OTUD7A: variants seen among roughly 807,000 people sequenced by gnomAD.
OTUD7A encodes the protein OTU deubiquitinase 7A.
Under a neutral mutation model 65.7 loss-of-function variants are expected in OTUD7A, and 12 were observed. The ratio of observed to expected loss-of-function variants is 0.18; its 90% CI spans 0.12 to 0.30. The LOEUF (loss-of-function observed/expected upper bound fraction) is 0.30. Among genes scored for constraint, OTUD7A ranks in the 10% least tolerant of loss-of-function variants. OTUD7A has a pLI of 1.00. For missense variants in OTUD7A, 1,148 were observed against 1,304.8 expected, an observed-to-expected ratio of 0.88 and a Z score of 1.85; for synonymous variants, 641 against 586.3, an observed-to-expected ratio of 1.09 and a Z score of -1.35.
At chr15:31,539,079 G>T (rs1257636098) in intron 5 of OTUD7A, among the ~76,000 whole-genome samples, 1 of 152,158 alleles carries the variant, frequency 6.6e-6, no homozygotes, top group Admixed American at 6.5e-5. Context: ...TAGAGACTGA[G>T]GATTCTTCTT....
At chr15:31,781,707 C>A (rs1432703384) in intron 1 of OTUD7A, among the ~76,000 whole-genome samples, 1 of 152,190 alleles carries the variant, frequency 6.6e-6, no homozygotes, top group East Asian at 1.9e-4. Flanking sequence ...GCCATCTCTG[C>A]TCGAGCCACA....
At chr15:31,592,921 A>ATG (rs1889786966) in intron 3 of OTUD7A, among the ~76,000 whole-genome samples, 2 of 71,014 alleles carry the variant, frequency 2.8e-5, no homozygotes, top group Non-Finnish European at 5.0e-5. Context: ...ATATATATAT[A>ATG]TATATATATA....
intron 1 of OTUD7A, among the ~76,000 whole-genome samples, chr15:31,688,510 A>G (rs1595709482): frequency 1.3e-5 from 2 of 152,060 alleles, no homozygotes; most frequent in South Asian, 4.2e-4. Flanking sequence ...AGTGAGTGAT[A>G]CTTAATTGAA....
At chr15:31,602,581 A>T (rs144596157) in intron 3 of OTUD7A, among the ~76,000 whole-genome samples, 52 of 152,320 alleles carry the variant, frequency 3.4e-4, no homozygotes, top group African/African-American at 1.2e-3. Context: ...CCTATTCAAC[A>T]TAGTATTGGA....
chr15:31,529,796 C>A (rs1171967770), intron 6 of OTUD7A, among the ~76,000 whole-genome samples: 1 of 152,112 alleles, frequency 6.6e-6, no homozygotes, highest in Admixed American at 6.5e-5. Flanking sequence ...TCATGGCACC[C>A]AGTTAAAGCC....
chr15:31,839,124 G>A (rs922036758), intron 1 of OTUD7A, among the ~76,000 whole-genome samples: 5 of 151,454 alleles, frequency 3.3e-5, no homozygotes, highest in Non-Finnish European at 5.9e-5. Flanking sequence ...CCTGGCCTCA[G>A]GGCCAGGTTC....
chr15:31,602,223 G>A (rs12101467), intron 3 of OTUD7A, among the ~76,000 whole-genome samples: 3,148 of 152,162 alleles, frequency 0.021, 100 homozygotes, highest in African/African-American at 0.073. Context: ...CTGGCAAACC[G>A]AATCCAGCAG....
Position 31,806,613 on chromosome 15 carries a change from G to T in OTUD7A, c.-100+63894C>A, listed in dbSNP as rs115953051. Among the ~76,000 whole-genome samples the T allele has an allele frequency of 6.8e-3, 1,036 of 152,292 alleles. 15 individuals carry two copies. The highest frequency in any genetic ancestry group is 0.024 in the African/African-American group (999 of 41,552). On this transcript the variant is annotated intron_variant, in intron 1 of 12. Coordinates refer to ENST00000307050, the MANE Select transcript of OTUD7A (RefSeq NM_001382637.1). ...CCAATGACCACTGCTGGTCCTGGGG[G>T]TCAAAGGCTGATCATCCCATCCTTC...
chr15:31,744,620 A>G (rs1894428466), intron 1 of OTUD7A, among the ~76,000 whole-genome samples: 1 of 152,156 alleles, frequency 6.6e-6, no homozygotes, highest in Non-Finnish European at 1.5e-5. Flanking sequence ...GAAACGTTGA[A>G]TTATTTTCCC....
chr15:31,583,009 G>C (rs1889418520), intron 3 of OTUD7A, among the ~76,000 whole-genome samples: 1 of 152,136 alleles, frequency 6.6e-6, no homozygotes, highest in African/African-American at 2.4e-5. Flanking sequence ...AGGGATTTCA[G>C]TGAAGGATTG....
intron 1 of OTUD7A, among the ~76,000 whole-genome samples, chr15:31,677,733 G>C (rs1328383262): frequency 6.6e-6 from 1 of 152,178 alleles, no homozygotes. Flanking sequence ...TCTTTCCTTT[G>C]TAAATTACCC....
chr15:31,730,935 C>T (rs931670451), intron 1 of OTUD7A, among the ~76,000 whole-genome samples: 2 of 152,176 alleles, frequency 1.3e-5, no homozygotes, highest in African/African-American at 4.8e-5. Flanking sequence ...TTTAGTAGCA[C>T]CTTGGTCAAG....
chr15:31,630,437 T>G (rs1891106347), intron 3 of OTUD7A, among the ~76,000 whole-genome samples: 1 of 152,254 alleles, frequency 6.6e-6, no homozygotes, highest in African/African-American at 2.4e-5. Context: ...TCTAGTTTGA[T>G]TGCACTGTGG....
Position 31,487,110 on chromosome 15 carries a change from T to G in OTUD7A, c.1371+84A>C. The G allele has an allele frequency of 1.5e-6, 2 of 1,356,066 alleles. No homozygotes were observed. Among genetic ancestry groups the G allele is most frequent in the Non-Finnish European group, 2.1e-6 (2 of 968,986 alleles). 84.0% of individuals were successfully genotyped at this position (1,356,066 alleles called of 1,614,324 possible). The stretch of plus-strand genomic sequence containing the variant: ...AGGGGCAGGCAAGAGTGTGGGAGCA[T>G]TTGGGAGGATGCACCCTGGTCAGAC... On this transcript the variant is annotated intron_variant, in intron 12 of 12. Coordinates refer to ENST00000307050, the MANE Select transcript of OTUD7A (RefSeq NM_001382637.1). The surrounding 1 kb of genome is among the most constrained non-coding windows in gnomAD (Gnocchi z 6.0).
chr15:31,680,949 G>A lies in OTUD7A; in HGVS notation c.-99-23872C>T, dbSNP rs139388936. Among the ~76,000 whole-genome samples, 1,309 of 146,520 alleles carry A rather than the reference G, an allele frequency of 8.9e-3. 33 individuals carry two copies. The highest frequency in any genetic ancestry group is 0.034 in the African/African-American group (1,223 of 36,114). On this transcript the variant is annotated intron_variant, in intron 1 of 12. Transcript: ENST00000307050. ...AATCCACTTCCCCATCAATACATGC[G>A]GAAGATACCATATCTTTCTTAGAAA...
intron 1 of OTUD7A, among the ~76,000 whole-genome samples, chr15:31,849,467 CA>C (rs2141003066): frequency 6.6e-6 from 1 of 152,274 alleles, no homozygotes; most frequent in South Asian, 2.1e-4. Context: ...AAAACCTAGG[CA>C]ATACCATTCA....
chr15:31,834,515 C>G (rs1445760616), intron 1 of OTUD7A, among the ~76,000 whole-genome samples: 1 of 152,202 alleles, frequency 6.6e-6, no homozygotes, highest in Admixed American at 6.5e-5. Flanking sequence ...CTCTCCTATT[C>G]TAGCCACATA....
intron 1 of OTUD7A, among the ~76,000 whole-genome samples, chr15:31,843,055 C>G (rs1005745305): frequency 2.0e-5 from 3 of 152,002 alleles, no homozygotes; most frequent in Non-Finnish European, 2.9e-5. Context: ...CCCCATCCCA[C>G]AATAGAAATG....
At chr15:31,821,303 CTTTTTT>C (rs57817074) in intron 1 of OTUD7A, among the ~76,000 whole-genome samples, 3 of 113,204 alleles carry the variant, frequency 2.7e-5, no homozygotes, top group Non-Finnish European at 5.2e-5. Flanking sequence ...GCCCAGGTAC[CTTTTTT>C]TTTTTTTTTT....
Sources: allele counts gnomAD v4.1 joint callset (sites outside exome capture counted in the v4.1 genomes callset), GRCh38; gene constraint gnomAD v4.1.1; non-coding constraint Gnocchi (gnomAD v3.1); transcripts MANE v1.5; gene names NCBI Gene and HGNC (gene_info 2026-07-23, HGNC 2026-07-21).